MED17: variants seen among roughly 807,000 people sequenced by gnomAD.
MED17 encodes mediator complex subunit 17.
A neutral mutation model predicts 80.8 loss-of-function variants in MED17; 49 were observed. The observed-to-expected ratio is 0.61, with a 90% CI of 0.48 to 0.77. MED17 has a LOEUF of 0.77. Ranked by LOEUF, MED17 falls within the 30% of genes least tolerant of loss-of-function variation. MED17 has a pLI of 0.00. For synonymous variants in MED17, 281 were observed against 280.4 expected, an observed-to-expected ratio of 1.00 and a Z score of -0.02; for missense variants, 718 against 787.0, an observed-to-expected ratio of 0.91 and a Z score of 1.05.
chr11:93,811,084 A>G (rs748465215), intron 11 of MED17: 1 of 152,462 alleles, frequency 6.6e-6, no homozygotes, highest in Non-Finnish European at 1.5e-5. Flanking sequence ...TACGCAGCTC[A>G]TGACTGTATT....
intron 5 of MED17, 196 bp from the exon 6 acceptor site, chr11:93,794,712 C>T: frequency 1.6e-6 from 1 of 611,714 alleles, no homozygotes; most frequent in Non-Finnish European, 2.9e-6. Flanking sequence ...CTTCTCAATA[C>T]CCTGCCGGGA....
chr11:93,800,119 A>T (rs1472514634), intron 8 of MED17, among the ~76,000 whole-genome samples: 1 of 152,264 alleles, frequency 6.6e-6, no homozygotes, highest in East Asian at 1.9e-4. Context: ...ATGCTCACAC[A>T]CATACTTACC....
At chr11:93,798,885 A>G (rs887808355) in intron 8 of MED17, among the ~76,000 whole-genome samples, 1 of 152,192 alleles carries the variant, frequency 6.6e-6, no homozygotes, top group Non-Finnish European at 1.5e-5. Context: ...CAAATTTCTG[A>G]TTGACCATAA....
chr11:93,789,581 A>G (rs1043137221), intron 2 of MED17: 1 of 152,200 alleles, frequency 6.6e-6, no homozygotes, highest in African/African-American at 2.4e-5. Flanking sequence ...TACACAAATT[A>G]TGGTGATTGT....
chr11:93,799,185 T>C (rs1407691464), intron 8 of MED17, among the ~76,000 whole-genome samples: 1 of 150,700 alleles, frequency 6.6e-6, no homozygotes, highest in East Asian at 2.0e-4. Context: ...GAAATTTTTT[T>C]TTTTTTTTTT....
chr11:93,798,352 C>T (rs1165398589), intron 8 of MED17, among the ~76,000 whole-genome samples: 2 of 152,038 alleles, frequency 1.3e-5, no homozygotes, highest in African/African-American at 4.8e-5. Context: ...GGGTGCTTTT[C>T]TATTTTATTA....
chr11:93,794,928 A>G lies in MED17; in HGVS notation c.880A>G (p.Lys294Glu), dbSNP rs1943884263. 6.2e-7 allele frequency: 1 copy of G among 1,614,090 alleles called. No individual in the cohort carries two copies. Among genetic ancestry groups the G allele is most frequent in the African/African-American group, 1.3e-5 (1 of 74,938 alleles). ...TTCAGGTTCCCCACATTGGCAGACAAAATTAGAAGCGGCACAGAATGTTCT... is the reference window on the plus strand; with the variant it reads ...TTCAGGTTCCCCACATTGGCAGACAGAATTAGAAGCGGCACAGAATGTTCT... The part of the protein sequence containing the change: ...SKPGSPHWQT[K>E]LEAAQNVLLC... Residue 294 changes from lysine to glutamate, a missense_variant, in exon 6 of 12, where the codon AAA becomes GAA. Physicochemically the swap from Lys to Glu is moderately conservative, Grantham distance 56. Coordinates refer to ENST00000251871, the MANE Select transcript of MED17 (RefSeq NM_004268.5).
chr11:93,804,090 A>G (rs1418847497), intron 9 of MED17, among the ~76,000 whole-genome samples: 1 of 150,854 alleles, frequency 6.6e-6, no homozygotes, highest in Non-Finnish European at 1.5e-5. Context: ...GTATTAACTC[A>G]CAGGATCAGA....
chr11:93,807,091 C>T (rs1944033160), intron 9 of MED17: 1 of 194,434 alleles, frequency 5.1e-6, no homozygotes. Context: ...TGCATCTCCT[C>T]CATGGATGTT....
intron 11 of MED17, chr11:93,811,396 C>T (rs641449): frequency 0.95 from 167,022 of 176,340 alleles, 79,848 homozygotes; most frequent in East Asian, 1. Context: ...GTGTACTAGG[C>T]GTGGTGGCTC....
At chr11:93,806,635 C>T (rs183919116) in intron 9 of MED17, 4 of 152,168 alleles carry the variant, frequency 2.6e-5, no homozygotes, top group Non-Finnish European at 5.9e-5. Flanking sequence ...TCTTTCTGTA[C>T]GAGAATTTGC....
chr11:93,796,056 TCTC>T (rs1943896919), intron 6 of MED17: 1 of 309,524 alleles, frequency 3.2e-6, no homozygotes, highest in Non-Finnish European at 6.2e-6. Context: ...TCCAAGCAAT[TCTC>T]CTGCCTCAGC....
chr11:93,806,887 C>G (rs896967013), intron 9 of MED17: 1 of 152,200 alleles, frequency 6.6e-6, no homozygotes, highest in Non-Finnish European at 1.5e-5. Flanking sequence ...GCTTATGGCT[C>G]CTGTTAGGGC....
rs765716974 is a variant in MED17 at position 93,809,868 on chromosome 11, C to T, written c.1736C>T (p.Ala579Val). 2.0e-5 allele frequency: 33 copies of T among 1,614,114 alleles called. No homozygotes were observed. Among genetic ancestry groups the T allele is most frequent in the Middle Eastern group, 1.6e-4 (1 of 6,062 alleles). The change falls in exon 11 of 12, where the codon GCT becomes GTT. Residue 579 changes from alanine (A) to valine (V), a missense_variant. By Grantham distance (64) the Ala-to-Val change is moderately conservative. Transcript: ENST00000251871. Reference sequence around the variant, plus strand: ...GTGGCCTCCCCAAGTGGTGACTATGCTATTTCAGGTACTTTCTGCTGCTTT... The same window carrying T: ...GTGGCCTCCCCAAGTGGTGACTATGTTATTTCAGGTACTTTCTGCTGCTTT... ...ITVASPSGDY[A>V]ISVRNGPESG...
At chr11:93,785,973 C>T (rs1331435485) in intron 1 of MED17, among the ~76,000 whole-genome samples, 5 of 151,594 alleles carry the variant, frequency 3.3e-5, no homozygotes, top group Non-Finnish European at 7.4e-5. Context: ...CACCGCACTC[C>T]AGCCTGGGTA....
At chr11:93,794,608 G>T in intron 5 of MED17, 1 of 447,476 alleles carries the variant, frequency 2.2e-6, no homozygotes, top group Non-Finnish European at 4.0e-6. Context: ...ACCCAGTGAG[G>T]TTTATCTGTG....
intron 9 of MED17, among the ~76,000 whole-genome samples, chr11:93,805,264 A>C (rs553534053): frequency 6.6e-6 from 1 of 152,300 alleles, no homozygotes; most frequent in African/African-American, 2.4e-5. Context: ...ATCCATTTAT[A>C]GGGTAAAGTC....
chr11:93,803,282 G>A (rs1943982156), intron 9 of MED17, among the ~76,000 whole-genome samples: 1 of 152,080 alleles, frequency 6.6e-6, no homozygotes, highest in Non-Finnish European at 1.5e-5. Context: ...TTTTTCCTAT[G>A]TACAGTCATT....
Position 93,795,034 on chromosome 11 carries a change from A to G in MED17, c.986A>G (p.Asn329Ser), listed in dbSNP as rs776616887. 2.5e-6 allele frequency: 4 copies of G among 1,614,142 alleles called. No homozygotes were observed. In the East Asian group the frequency reaches 6.7e-5, roughly 27 times the overall value. The stretch of plus-strand genomic sequence containing the variant: ...CAAGTCCCTCACATTGTGGTGAAAA[A>G]CCAGATTATCTCTCAGCCCTTTCCG... ...KSQVPHIVVK[N>S]QIISQPFPSL... is the part of the protein sequence containing the mutation. Residue 329 changes from asparagine (N) to serine (S), a missense_variant, in exon 6 of 12, where the codon AAC becomes AGC. Transcript: ENST00000251871.
Sources: allele counts gnomAD v4.1 joint callset (sites outside exome capture counted in the v4.1 genomes callset), GRCh38; gene constraint gnomAD v4.1.1; transcripts MANE v1.5; gene names NCBI Gene and HGNC (gene_info 2026-07-23, HGNC 2026-07-21).